DIDO1: variants seen among roughly 807,000 people sequenced by gnomAD.
DIDO1 encodes death-inducer obliterator 1.
Under a neutral mutation model 99.4 loss-of-function variants are expected in DIDO1, and 16 were observed. That is an observed-to-expected ratio of 0.16 (90% CI 0.11 to 0.24). DIDO1 has a LOEUF of 0.24. Ranked by LOEUF, DIDO1 falls within the 10% of genes least tolerant of loss-of-function variation. The pLI, the probability that DIDO1 is intolerant of heterozygous loss-of-function variation, is 1.00. For synonymous variants in DIDO1, 1,366 were observed against 1,239.1 expected, an observed-to-expected ratio of 1.10 and a Z score of -2.15; for missense variants, 2,996 against 3,014.0, an observed-to-expected ratio of 0.99 and a Z score of 0.14.
chr20:62,936,177 C>T (rs923034514), intron 1 of DIDO1, among the ~76,000 whole-genome samples: 6 of 152,240 alleles, frequency 3.9e-5, no homozygotes, highest in Non-Finnish European at 8.8e-5. Context: ...CTCCCAGAGG[C>T]CGAGGCGGGA....
intron 13 of DIDO1, among the ~76,000 whole-genome samples, 195 bp from the exon 14 acceptor site, chr20:62,892,271 C>A (rs2064414638): frequency 6.6e-6 from 1 of 152,174 alleles, no homozygotes; most frequent in Admixed American, 6.5e-5. Context: ...GTGATGCCAA[C>A]CTTCTGCCAG....
intron 6 of DIDO1, 147 bp downstream of exon 6, chr20:62,905,740 T>C (rs2064787458): frequency 2.5e-6 from 4 of 1,606,994 alleles, no homozygotes; most frequent in African/African-American, 1.3e-5. Flanking sequence ...ATCCTGGACA[T>C]GGGCTCTGCT....
At chr20:62,910,392 G>A (rs533069528) in intron 3 of DIDO1, among the ~76,000 whole-genome samples, 11 of 152,294 alleles carry the variant, frequency 7.2e-5, no homozygotes, top group African/African-American at 1.7e-4. Flanking sequence ...GGACACTTGC[G>A]GTCTGCACAT....
At position 62,913,854 on chromosome 20, in the gene DIDO1, G is replaced by A. The variant is rs994678364; in HGVS notation, c.-3+356C>T. Among the ~76,000 whole-genome samples, 8 of 152,356 alleles carry A rather than the reference G, an allele frequency of 5.3e-5. No individual in the cohort carries two copies. In the East Asian group the frequency reaches 1.5e-3, roughly 29 times the overall value. On this transcript the variant is annotated intron_variant, in intron 2 of 15. Transcript: ENST00000395343. Reference sequence around the variant, plus strand: ...TAAAACTGGGTTCTCATTAAAGAGAGAACAGGCTATTTGCACATGACCTAT... The same window carrying A: ...TAAAACTGGGTTCTCATTAAAGAGAAAACAGGCTATTTGCACATGACCTAT...
Position 62,879,596 on chromosome 20 carries a change from G to A in DIDO1, c.6360C>T (p.Gly2120=). Residue 2120 remains glycine, a synonymous_variant, in exon 16 of 16, where the codon GGC becomes GGT. Transcript: ENST00000395343. The surrounding 1 kb of genome is among the most constrained non-coding windows in gnomAD (Gnocchi z 6.3). ...SEDRRRERER[G]RNWSRERDWD... is the part of the protein sequence containing the mutation. Reference sequence around the variant, plus strand: ...AGTCCCGCTCTCGGCTCCAGTTTCGGCCGCGCTCGCGCTCTCTCCTCCTGT... The same window carrying A: ...AGTCCCGCTCTCGGCTCCAGTTTCGACCGCGCTCGCGCTCTCTCCTCCTGT... The A allele has an allele frequency of 1.2e-6, 2 of 1,603,234 alleles. No homozygotes were observed. The highest frequency in any genetic ancestry group is 8.5e-7 in the Non-Finnish European group (1 of 1,179,622).
intron 1 of DIDO1, among the ~76,000 whole-genome samples, chr20:62,924,037 G>A (rs953024620): frequency 6.6e-6 from 1 of 152,196 alleles, no homozygotes; most frequent in African/African-American, 2.4e-5. Flanking sequence ...AGATGACTGT[G>A]TACACGTACA....
intron 6 of DIDO1, among the ~76,000 whole-genome samples, chr20:62,898,381 G>C (rs1218075642): frequency 1.3e-5 from 2 of 152,178 alleles, no homozygotes; most frequent in African/African-American, 4.8e-5. Context: ...CAACTTCCCA[G>C]ATAAGTACAA....
At position 62,880,109 on chromosome 20, in the gene DIDO1, T is replaced by G; in HGVS notation, c.5847A>C (p.Arg1949Ser). 1.2e-6 allele frequency: 2 copies of G among 1,612,576 alleles called. No homozygotes were observed. The highest frequency in any genetic ancestry group is 1.7e-6 in the Non-Finnish European group (2 of 1,179,996). ...GPHPNQFEGP[R>S]GQAPNFMPGP... Reference sequence around the variant, plus strand: ...CTGGCATAAAGTTAGGCGCTTGGCCTCTGGGTCCTTCAAACTGGTTGGGAT... The same window carrying G: ...CTGGCATAAAGTTAGGCGCTTGGCCGCTGGGTCCTTCAAACTGGTTGGGAT... Residue 1949 changes from arginine (R) to serine (S), a missense_variant, in exon 16 of 16, where the codon AGA becomes AGC. Coordinates refer to ENST00000395343, the MANE Select transcript of DIDO1 (RefSeq NM_001193369.2).
chr20:62,895,467 A>C (rs956779349), intron 8 of DIDO1, among the ~76,000 whole-genome samples: 2 of 152,272 alleles, frequency 1.3e-5, no homozygotes, highest in African/African-American at 2.4e-5. Flanking sequence ...GCTAAAAAAA[A>C]AACAACACAC....
intron 6 of DIDO1, chr20:62,905,424 C>T: frequency 1.3e-6 from 2 of 1,498,098 alleles, no homozygotes; most frequent in Non-Finnish European, 1.8e-6. Context: ...AAGATTCCCA[C>T]AACATAAAAA....
At chr20:62,931,730 A>G (rs2147609561) in intron 1 of DIDO1, among the ~76,000 whole-genome samples, 1 of 152,322 alleles carries the variant, frequency 6.6e-6, no homozygotes, top group East Asian at 1.9e-4. Context: ...CCCCGGCCCC[A>G]TTCTTGGGCC....
chr20:62,906,717 G>T (rs375156645), intron 5 of DIDO1, among the ~76,000 whole-genome samples: 82,792 of 151,590 alleles, frequency 0.55, 24,039 homozygotes, highest in African/African-American at 0.75. Flanking sequence ...CAAATAACAC[G>T]GAGTTCTTTC....
In DIDO1 at chr20:62,879,854, C is replaced by CG; in HGVS notation, c.6101dup (p.Gln2035AlafsTer58). On this transcript the variant is annotated frameshift_variant, in exon 16 of 16. Transcript: ENST00000395343. LOFTEE classifies it low-confidence loss of function (END_TRUNC). The surrounding 1 kb of genome is among the most constrained non-coding windows in gnomAD (Gnocchi z 6.3). The stretch of plus-strand genomic sequence containing the variant: ...CCTCCCAGCGGTCCTTCCGGTGCTG[C>CG]GGGGGGTGGCTGGGAAGCTCCAGCA... 2 of 1,597,336 alleles carry CG rather than the reference C, an allele frequency of 1.3e-6. No individual in the cohort carries two copies. Among genetic ancestry groups the CG allele is most frequent in the Non-Finnish European group, 1.7e-6 (2 of 1,172,930 alleles).
At position 62,882,103 on chromosome 20, in the gene DIDO1, T is replaced by A; in HGVS notation, c.3853A>T (p.Ser1285Cys). ...GCTGTTGTGGCTGCTGTGGCTGGGC[T>A]GGGGGCTGCAGGTTTGAGGGATGAC... is the stretch of plus-strand genomic sequence containing the variant. Reference protein sequence around the residue: ...VLSSLKPAAPSPATAATTAAA... With the variant: ...VLSSLKPAAPCPATAATTAAA... The change falls in exon 16 of 16, where the codon AGC becomes TGC. Residue 1285 changes from serine (S) to cysteine (C), a missense_variant. Around this residue, in one of 5 missense-constraint regions of DIDO1, gnomAD observed 1,562 missense variants for 1,412.6 expected, o/e 1.11. Transcript: ENST00000395343. 6.2e-7 allele frequency: 1 copy of A among 1,613,252 alleles called. No individual in the cohort carries two copies. The highest frequency in any genetic ancestry group is 8.5e-7 in the Non-Finnish European group (1 of 1,180,016).
rs1353797561 is a variant in DIDO1, at chr20:62,880,562, G to A, written c.5394C>T (p.Ala1798=). The A allele has an allele frequency of 2.5e-6, 4 of 1,612,858 alleles. No individual in the cohort carries two copies. In the African/African-American group the frequency reaches 4.0e-5, roughly 16 times the overall value. The change falls in exon 16 of 16, where the codon GCC becomes GCT. Residue 1798 remains alanine (A), a synonymous_variant. Coordinates refer to ENST00000395343, the MANE Select transcript of DIDO1 (RefSeq NM_001193369.2). ...SNDGPRGPPP[A]RFGAQKGPIP... Reference sequence around the variant, plus strand: ...TGGGCCCCTTCTGGGCTCCGAATCTGGCTGGCGGAGGCCCTCGTGGCCCAT... The same window carrying A: ...TGGGCCCCTTCTGGGCTCCGAATCTAGCTGGCGGAGGCCCTCGTGGCCCAT...
At chr20:62,936,175 G>A (rs2065381069) in intron 1 of DIDO1, among the ~76,000 whole-genome samples, 1 of 152,250 alleles carries the variant, frequency 6.6e-6, no homozygotes, top group South Asian at 2.1e-4. Flanking sequence ...CACTCCCAGA[G>A]GCCGAGGCGG....
At chr20:62,900,461 G>A (rs1374493839) in intron 6 of DIDO1, among the ~76,000 whole-genome samples, 5 of 152,200 alleles carry the variant, frequency 3.3e-5, no homozygotes, top group South Asian at 2.1e-4. Context: ...GAGACGGGGA[G>A]GAGAAAATCA....
chr20:62,917,164 A>C (rs1039797792), intron 1 of DIDO1, among the ~76,000 whole-genome samples: 2 of 152,060 alleles, frequency 1.3e-5, no homozygotes, highest in Non-Finnish European at 2.9e-5. Flanking sequence ...AGTAGCTGGG[A>C]CTACAGGTGC....
Position 62,894,868 on chromosome 20 carries a change from G to T in DIDO1, c.2378C>A (p.Ala793Asp). 1 of 1,614,148 alleles carries T rather than the reference G, an allele frequency of 6.2e-7. No individual in the cohort carries two copies. The highest frequency in any genetic ancestry group is 8.5e-7 in the Non-Finnish European group (1 of 1,180,038). ...ATCGGGGATGGCCTCCTGCCTGGGG[G>T]CCGTCTTCTTGCTTTCATTGTGCAG... ...TKLHNESKKT[A>D]PRQEAIPDLE... Residue 793 changes from alanine to aspartate, a missense_variant, in exon 10 of 16, where the codon GCC (alanine) becomes GAC (aspartate). By Grantham distance (126) the Ala-to-Asp change is moderately radical (BLOSUM62 -2). Transcript: ENST00000395343. This position sits in a 1 kb window ranked among gnomAD's most constrained non-coding sequence, Gnocchi z 4.4.
Sources: allele counts gnomAD v4.1 joint callset (sites outside exome capture counted in the v4.1 genomes callset), GRCh38; gene constraint gnomAD v4.1.1; regional missense constraint gnomAD v4.1.1; non-coding constraint Gnocchi (gnomAD v3.1); transcripts MANE v1.5; gene names NCBI Gene and HGNC (gene_info 2026-07-23, HGNC 2026-07-21).